The following NAGLU variants were observed in gnomAD, a reference collection of about 807,000 sequenced individuals.
NAGLU encodes the protein N-acetyl-alpha-glucosaminidase.
Under a neutral mutation model 43.4 loss-of-function variants are expected in NAGLU, and 34 were observed. That is an observed-to-expected ratio of 0.78 (90% CI 0.60 to 1.04). NAGLU has a LOEUF of 1.04. Among genes scored for constraint, NAGLU ranks in the 50% least tolerant of loss-of-function variants. The pLI, the probability that NAGLU is intolerant of heterozygous loss-of-function variation, is 0.00. For missense variants in NAGLU, 910 were observed against 993.7 expected (o/e 0.92, Z 1.13); for synonymous variants, 425 against 437.6 (o/e 0.97, Z 0.36).
chr17:42,540,113 CAAAAA>C (rs571274275), intron 4 of NAGLU, among the ~76,000 whole-genome samples: 1 of 52,198 alleles, frequency 1.9e-5, no homozygotes, highest in Admixed American at 2.0e-4. Flanking sequence ...GACTCCGTCT[CAAAAA>C]AAAAAAAAAA....
rs1049789445 is a variant in NAGLU, at chr17:42,537,664, G to A, written c.531+119G>A. ...TCTAGAAGTGCTTTCAGCGTGCACA[G>A]TGGCTTGGGCCTCCTAAAAACTGAG... On this transcript the variant is annotated intron_variant, in intron 2 of 5. Coordinates refer to ENST00000225927, the MANE Select transcript of NAGLU (RefSeq NM_000263.4). 1.1e-5 allele frequency: 16 copies of A among 1,394,560 alleles called. No individual in the cohort carries two copies. In the Admixed American group the frequency reaches 2.4e-4, roughly 21 times the overall value. The allele number at this position is 1,394,560 out of a possible 1,614,324, so 86.4% of individuals were successfully genotyped here.
At chr17:42,538,193 C>A in intron 2 of NAGLU, 146 bp from the exon 3 acceptor site, 1 of 1,234,788 alleles carries the variant, frequency 8.1e-7, no homozygotes, top group Non-Finnish European at 1.2e-6. Context: ...TTCCTCTGGG[C>A]TGTGGGCTCC....
Position 42,541,094 on chromosome 17 carries a change from TG to T in NAGLU, c.911del (p.Gly304AlafsTer35). ...TCCTGCGAGAGCTGATCAAAGAGTT[TG>T]GCACAGACCACATCTATGGGGCCGA... ...LFLRELIKEF[G>X]TDHIYGADTF... On this transcript the variant is annotated frameshift_variant, in exon 5 of 6. Coordinates refer to ENST00000225927, the MANE Select transcript of NAGLU (RefSeq NM_000263.4). LOFTEE classifies it high-confidence loss of function. 6.2e-7 allele frequency: 1 copy of T among 1,614,148 alleles called. No homozygotes were observed. The highest frequency in any genetic ancestry group is 8.5e-7 in the Non-Finnish European group (1 of 1,180,038).
chr17:42,540,697 A>C (rs1223059096), intron 4 of NAGLU, among the ~76,000 whole-genome samples: 1 of 146,036 alleles, frequency 6.8e-6, no homozygotes, highest in Admixed American at 6.8e-5. Context: ...CTCTGCCTCA[A>C]AAAAAAAAAA....
At chr17:42,536,967 C>A in intron 1 of NAGLU, 1 of 492,308 alleles carries the variant, frequency 2.0e-6, no homozygotes, top group Non-Finnish European at 3.5e-6. Context: ...TCTCTTTGAA[C>A]CTGCGGACTG....
chr17:42,538,651 C>G lies in NAGLU; in HGVS notation c.679-19C>G, dbSNP rs758493355. 1 of 1,613,882 alleles carries G rather than the reference C, an allele frequency of 6.2e-7. No individual in the cohort carries two copies. The highest frequency in any genetic ancestry group is 8.5e-7 in the Non-Finnish European group (1 of 1,179,972). On this transcript the variant is annotated intron_variant, in intron 3 of 5. Coordinates refer to ENST00000225927, the MANE Select transcript of NAGLU (RefSeq NM_000263.4). ...GACAGCAGTGGCCATGCTCACCACC[C>G]TTCCTTCTGTTCCTCCAGCACCGGG...
intron 5 of NAGLU, among the ~76,000 whole-genome samples, chr17:42,542,300 A>G (rs1252561605): frequency 3.3e-5 from 5 of 152,052 alleles, no homozygotes; most frequent in African/African-American, 7.2e-5. Flanking sequence ...CTGACCTCAA[A>G]TGATTCGCCC....
chr17:42,537,718 C>G (rs1307290737), intron 2 of NAGLU, among the ~76,000 whole-genome samples, 173 bp downstream of exon 2: 2 of 152,232 alleles, frequency 1.3e-5, no homozygotes, highest in African/African-American at 4.8e-5. Context: ...TGGCTCACGC[C>G]TGTCATCCCA....
rs1469781984 is a variant in NAGLU, at chr17:42,536,473, G to GGCC, written c.202_203insCCG (p.Leu67_Gly68insAla). The GGCC allele has an allele frequency of 4.7e-5, 57 of 1,217,376 alleles. No homozygotes were observed. In the East Asian group the frequency reaches 2.1e-3, roughly 46 times the overall value. 75.4% of individuals were successfully genotyped at this position (1,217,376 alleles called of 1,614,324 possible). On this transcript the variant is annotated inframe_insertion, in exon 1 of 6. Coordinates refer to ENST00000225927, the MANE Select transcript of NAGLU (RefSeq NM_000263.4). ...AGCCGGGCTTGGACACCTACAGCCT[G>GGCC]GGCGGCGGCGGCGCGGCGCGCGTGC...
At chr17:42,539,830 C>G (rs1328940131) in intron 4 of NAGLU, among the ~76,000 whole-genome samples, 1 of 152,164 alleles carries the variant, frequency 6.6e-6, no homozygotes, top group East Asian at 1.9e-4. Context: ...ATGAGTGTTG[C>G]TTGGACGGAC....
At chr17:42,540,927 T>C (rs1370819214) in intron 4 of NAGLU, 23 bp from the exon 5 acceptor site, 2 of 1,614,130 alleles carry the variant, frequency 1.2e-6, no homozygotes, top group Middle Eastern at 1.6e-4. Context: ...CCATGAAATA[T>C]CTGAGCTTTT....
Position 42,537,269 on chromosome 17 carries a change from C to A in NAGLU, c.384-129C>A. On this transcript the variant is annotated intron_variant, in intron 1 of 5. Coordinates refer to ENST00000225927, the MANE Select transcript of NAGLU (RefSeq NM_000263.4). ...GGTCTCAGCTCCACCTGGGGTGGGT[C>A]CCAGTGTGCAGCAGAAGGGCCGAGT... 4 of 1,412,382 alleles carry A rather than the reference C, an allele frequency of 2.8e-6. No individual in the cohort carries two copies. The South Asian group carries it at 3.5e-5, about 13-fold the overall frequency. The allele number at this position is 1,412,382 out of a possible 1,614,324, so 87.5% of individuals were successfully genotyped here. A position where few individuals can be genotyped will look rare whatever the true frequency, so the allele number is the denominator to read the frequency against.
chr17:42,537,430 G>T lies in NAGLU; in HGVS notation c.416G>T (p.Ser139Ile). Reference protein sequence around the residue: ...YRYYQNVCTQSYSFVWWDWAR... With the variant: ...YRYYQNVCTQIYSFVWWDWAR... Reference sequence around the variant, plus strand: ...TATTACCAGAATGTGTGCACGCAAAGCTACTCTTTCGTGTGGTGGGACTGG... The same window carrying T: ...TATTACCAGAATGTGTGCACGCAAATCTACTCTTTCGTGTGGTGGGACTGG... The change falls in exon 2 of 6, where the codon AGC (serine) becomes ATC (isoleucine). Residue 139 changes from serine (S) to isoleucine (I), a missense_variant. Transcript: ENST00000225927. The T allele has an allele frequency of 6.2e-7, 1 of 1,614,242 alleles. No homozygotes were observed. Among genetic ancestry groups the T allele is most frequent in the Non-Finnish European group, 8.5e-7 (1 of 1,180,022 alleles).
chr17:42,538,742 G>A lies in NAGLU; in HGVS notation c.751G>A (p.Glu251Lys), dbSNP rs753634837. Residue 251 changes from glutamate (E) to lysine (K), a missense_variant, in exon 4 of 6, where the codon GAG becomes AAG. Coordinates refer to ENST00000225927, the MANE Select transcript of NAGLU (RefSeq NM_000263.4). The part of the protein sequence containing the change: ...VLPAFAGHVP[E>K]AVTRVFPQVN... Reference sequence around the variant, plus strand: ...GCCTGCATTCGCGGGGCATGTTCCCGAGGCTGTCACCAGGTGAGGTTCCGC... The same window carrying A: ...GCCTGCATTCGCGGGGCATGTTCCCAAGGCTGTCACCAGGTGAGGTTCCGC... 20 of 1,613,948 alleles carry A rather than the reference G, an allele frequency of 1.2e-5. No individual in the cohort carries two copies. The highest frequency in any genetic ancestry group is 3.3e-5 in the South Asian group (3 of 91,084).
rs200625281 is a variant in NAGLU at position 42,541,075 on chromosome 17, G to A, written c.890G>A (p.Arg297Gln). 9.9e-6 allele frequency: 16 copies of A among 1,614,086 alleles called. No homozygotes were observed. In the East Asian group the frequency reaches 1.8e-4, roughly 18 times the overall value. The change falls in exon 5 of 6, where the codon CGA becomes CAA. Residue 297 changes from arginine (R) to glutamine (Q), a missense_variant. Transcript: ENST00000225927. ...CCCATCATCGGGAGCCTCTTCCTGCGAGAGCTGATCAAAGAGTTTGGCACA... is the reference window on the plus strand; with the variant it reads ...CCCATCATCGGGAGCCTCTTCCTGCAAGAGCTGATCAAAGAGTTTGGCACA... ...IFPIIGSLFLRELIKEFGTDH... is the reference protein window; with the variant it reads ...IFPIIGSLFLQELIKEFGTDH...
At chr17:42,542,306 C>A (rs772126735) in intron 5 of NAGLU, among the ~76,000 whole-genome samples, 1 of 152,106 alleles carries the variant, frequency 6.6e-6, no homozygotes, top group South Asian at 2.1e-4. Context: ...TCAAATGATT[C>A]GCCCACTTCA....
chr17:42,538,034 C>T (rs951793979), intron 2 of NAGLU, among the ~76,000 whole-genome samples: 5 of 152,172 alleles, frequency 3.3e-5, no homozygotes, highest in African/African-American at 1.2e-4. Flanking sequence ...TGCTTAAGCT[C>T]TTCACACAGT....
At chr17:42,539,247 A>C (rs2092915498) in intron 4 of NAGLU, among the ~76,000 whole-genome samples, 1 of 152,186 alleles carries the variant, frequency 6.6e-6, no homozygotes, top group African/African-American at 2.4e-5. Flanking sequence ...GTAAAATGGG[A>C]TCTCTACCCA....
chr17:42,536,282 G>A lies in NAGLU; in HGVS notation c.10G>A (p.Val4Met). 1 of 1,218,216 alleles carries A rather than the reference G, an allele frequency of 8.2e-7. No homozygotes were observed. Among genetic ancestry groups the A allele is most frequent in the Non-Finnish European group, 1.0e-6 (1 of 979,178 alleles). 75.5% of individuals were successfully genotyped at this position (1,218,216 alleles called of 1,614,324 possible). A position where few individuals can be genotyped will look rare whatever the true frequency, so the allele number is the denominator to read the frequency against. MEAVAVAAAVGVLL... is the reference protein window; with the variant it reads MEAMAVAAAVGVLL... ...CCGCAGGACTGAGACCATGGAGGCG[G>A]TGGCGGTGGCCGCGGCGGTGGGGGT... is the stretch of plus-strand genomic sequence containing the variant. The change falls in exon 1 of 6, where the codon GTG becomes ATG. Residue 4 changes from valine (V) to methionine (M), a missense_variant. Val to Met is a conservative substitution (Grantham distance 21, BLOSUM62 1). Coordinates refer to ENST00000225927, the MANE Select transcript of NAGLU (RefSeq NM_000263.4).
Sources: allele counts gnomAD v4.1 joint callset (sites outside exome capture counted in the v4.1 genomes callset), GRCh38; gene constraint gnomAD v4.1.1; transcripts MANE v1.5; gene names NCBI Gene and HGNC (gene_info 2026-07-23, HGNC 2026-07-21).